RIMS2: variants seen among roughly 807,000 people sequenced by gnomAD.
RIMS2 encodes regulating synaptic membrane exocytosis 2.
A neutral mutation model predicts 174.4 loss-of-function variants in RIMS2; 59 were observed. The ratio of observed to expected loss-of-function variants is 0.34; its 90% CI spans 0.27 to 0.42. RIMS2 has a LOEUF of 0.42. RIMS2 is among the 10% of genes least tolerant of loss of function. The pLI, the probability that RIMS2 is intolerant of heterozygous loss-of-function variation, is 1.00. For synonymous variants in RIMS2, 606 were observed against 572.5 expected (o/e 1.06, Z -0.84); for missense variants, 1,620 against 1,666.3 (o/e 0.97, Z 0.48).
At chr8:103,555,816 A>G (rs906243723) in intron 1 of RIMS2, among the ~76,000 whole-genome samples, 14 of 148,644 alleles carry the variant, frequency 9.4e-5, no homozygotes, top group East Asian at 2.0e-4. Flanking sequence ...AAAAAAAAAG[A>G]AAAAAAGTGC....
intron 19 of RIMS2, among the ~76,000 whole-genome samples, chr8:104,069,947 A>G (rs1182247084): frequency 6.6e-6 from 1 of 152,222 alleles, no homozygotes; most frequent in African/African-American, 2.4e-5. Flanking sequence ...GTTATGACTT[A>G]GTAATTGAAT....
At chr8:103,567,753 G>T (rs552930826) in intron 1 of RIMS2, among the ~76,000 whole-genome samples, 2 of 152,242 alleles carry the variant, frequency 1.3e-5, no homozygotes, top group South Asian at 2.1e-4. Flanking sequence ...TTTCCAAAGG[G>T]TTGCACTATT....
intron 2 of RIMS2, among the ~76,000 whole-genome samples, chr8:103,737,938 T>C (rs1041342242): frequency 6.6e-6 from 1 of 152,202 alleles, no homozygotes; most frequent in Non-Finnish European, 1.5e-5. Flanking sequence ...AGTGCACTTA[T>C]ATGATTATTT....
At chr8:104,208,896 A>G (rs767921459) in intron 19 of RIMS2, among the ~76,000 whole-genome samples, 1 of 152,260 alleles carries the variant, frequency 6.6e-6, no homozygotes, top group Non-Finnish European at 1.5e-5. Context: ...AGCCAAGTAC[A>G]CAGCATTTAA....
intron 1 of RIMS2, among the ~76,000 whole-genome samples, chr8:103,570,507 G>A (rs2092725770): frequency 6.6e-6 from 1 of 151,912 alleles, no homozygotes; most frequent in South Asian, 2.1e-4. Flanking sequence ...ACTTTTCCAG[G>A]AAAAAATTTT....
chr8:104,208,165 A>T (rs375112257), intron 19 of RIMS2, among the ~76,000 whole-genome samples: 1 of 152,252 alleles, frequency 6.6e-6, no homozygotes, highest in East Asian at 1.9e-4. Flanking sequence ...CTGGCCAGAG[A>T]TATAGTACAT....
intron 3 of RIMS2, among the ~76,000 whole-genome samples, chr8:103,818,592 GT>G (rs2098732694): frequency 6.6e-6 from 1 of 152,176 alleles, no homozygotes; most frequent in East Asian, 1.9e-4. Flanking sequence ...TGACTGTAGG[GT>G]TTTTCCCCCA....
At chr8:103,589,717 G>T (rs956227956) in intron 1 of RIMS2, among the ~76,000 whole-genome samples, 1 of 151,402 alleles carries the variant, frequency 6.6e-6, no homozygotes, top group East Asian at 1.9e-4. Flanking sequence ...AAGAAATTGT[G>T]ATATATATGC....
intron 19 of RIMS2, 67 bp from the exon 24 acceptor site, chr8:104,093,404 A>G: frequency 9.0e-7 from 1 of 1,113,974 alleles, no homozygotes; most frequent in Non-Finnish European, 1.2e-6. Context: ...GAAATAGGAG[A>G]AAGCTAATAA....
At chr8:103,961,430 T>A (rs2090038129) in intron 15 of RIMS2, among the ~76,000 whole-genome samples, 1 of 152,128 alleles carries the variant, frequency 6.6e-6, no homozygotes, top group African/African-American at 2.4e-5. Flanking sequence ...ATAATCAGAC[T>A]TTTTTATACT....
At chr8:103,674,755 T>G (rs1456595167) in intron 1 of RIMS2, among the ~76,000 whole-genome samples, 1 of 152,178 alleles carries the variant, frequency 6.6e-6, no homozygotes, top group East Asian at 1.9e-4. Flanking sequence ...TTTTGAACTG[T>G]TTTATATCAG....
At chr8:103,662,365 T>A (rs1249920505) in intron 1 of RIMS2, among the ~76,000 whole-genome samples, 1 of 152,200 alleles carries the variant, frequency 6.6e-6, no homozygotes, top group Non-Finnish European at 1.5e-5. Flanking sequence ...GCAATTAAAT[T>A]TACACAAATT....
At chr8:103,698,712 C>T (rs972562024) in intron 2 of RIMS2, among the ~76,000 whole-genome samples, 1 of 152,026 alleles carries the variant, frequency 6.6e-6, no homozygotes, top group Admixed American at 6.6e-5. Context: ...CTCAAGTGTT[C>T]CTCCTGCCTC....
intron 4 of RIMS2, among the ~76,000 whole-genome samples, chr8:103,890,911 T>C (rs369648798): frequency 6.6e-6 from 1 of 152,094 alleles, no homozygotes; most frequent in African/African-American, 2.4e-5. Flanking sequence ...CATTTGAGGC[T>C]GGATAATTGT....
intron 3 of RIMS2, among the ~76,000 whole-genome samples, chr8:103,832,040 G>C (rs900393535): frequency 1.3e-5 from 2 of 152,100 alleles, no homozygotes; most frequent in African/African-American, 4.8e-5. Context: ...TGTCTCAATA[G>C]TGAAAAATGC....
At chr8:103,789,273 A>G (rs1222873139) in intron 3 of RIMS2, among the ~76,000 whole-genome samples, 1 of 151,910 alleles carries the variant, frequency 6.6e-6, no homozygotes, top group African/African-American at 2.4e-5. Context: ...AGCTGTTCCT[A>G]TTCGGCCATC....
intron 3 of RIMS2, among the ~76,000 whole-genome samples, chr8:103,866,685 A>C (rs2099086060): frequency 6.6e-6 from 1 of 152,098 alleles, no homozygotes; most frequent in South Asian, 2.1e-4. Flanking sequence ...ATAATCTGAC[A>C]TGGTAATATG....
At chr8:103,819,558 T>C in intron 3 of RIMS2, 1 of 1,613,676 alleles carries the variant, frequency 6.2e-7, no homozygotes, top group Non-Finnish European at 8.5e-7. Flanking sequence ...TATCTCATTT[T>C]CATGGGGTTT....
chr8:104,175,438 C>T (rs914042999), intron 19 of RIMS2, among the ~76,000 whole-genome samples: 2 of 151,950 alleles, frequency 1.3e-5, no homozygotes, highest in African/African-American at 4.8e-5. Context: ...AGCATTTATC[C>T]TTTTATTGTG....
Sources: allele counts gnomAD v4.1 joint callset (sites outside exome capture counted in the v4.1 genomes callset), GRCh38; gene constraint gnomAD v4.1.1; transcripts MANE v1.5; gene names NCBI Gene and HGNC (gene_info 2026-07-23, HGNC 2026-07-21).